Variants in SMOC2 observed in about 807,000 individuals in gnomAD.
SMOC2 encodes SPARC-related modular calcium-binding protein 2.
Under a neutral mutation model 61.4 loss-of-function variants are expected in SMOC2, and 39 were observed. That is an observed-to-expected ratio of 0.64 (90% CI 0.49 to 0.83). SMOC2 has a LOEUF of 0.83. SMOC2 is among the 40% of genes least tolerant of loss of function. The probability of loss-of-function intolerance (pLI) is 0.00; values close to 1 mark genes in which losing one functional copy is unlikely to be tolerated. For missense variants in SMOC2, 556 were observed against 592.9 expected (o/e 0.94, Z 0.65); for synonymous variants, 247 against 239.9 (o/e 1.03, Z -0.27).
Position 168,518,439 on chromosome 6 carries a change from CTG to C in SMOC2, c.257-7904_257-7903del, listed in dbSNP as rs34444476. On this transcript the variant is annotated intron_variant, in intron 2 of 12. Transcript: ENST00000356284. ...TGTGTGCATGAGTGTGCATGTGTGA[CTG>C]TGAATGTGTGAATGTGTGTATTCAT... Among the ~76,000 whole-genome samples the C allele has an allele frequency of 2.8e-3, 410 of 147,566 alleles. 3 individuals are homozygous for C. The highest frequency in any genetic ancestry group is 9.6e-3 in the African/African-American group (367 of 38,260).
At chr6:168,589,263 G>A (rs1202124343) in intron 7 of SMOC2, among the ~76,000 whole-genome samples, 1 of 152,224 alleles carries the variant, frequency 6.6e-6, no homozygotes, top group Admixed American at 6.5e-5. Flanking sequence ...CTCTTAAGGT[G>A]TTGGCTGACA....
chr6:168,488,212 G>C (rs1229940628), intron 1 of SMOC2, among the ~76,000 whole-genome samples: 1 of 152,212 alleles, frequency 6.6e-6, no homozygotes, highest in Non-Finnish European at 1.5e-5. Context: ...CTGGCCCCTG[G>C]TGCCTCCGGC....
intron 8 of SMOC2, among the ~76,000 whole-genome samples, chr6:168,605,786 T>C (rs1425000315): frequency 2.0e-5 from 3 of 152,040 alleles, no homozygotes; most frequent in Non-Finnish European, 4.4e-5. Context: ...ACAGAGTTCA[T>C]GTTAACACTT....
In SMOC2 at chr6:168,475,437, C is replaced by A. The variant is rs954778930; in HGVS notation, c.84+33983C>A. On this transcript the variant is annotated intron_variant, in intron 1 of 12. Transcript: ENST00000356284. This position sits in a 1 kb window ranked among gnomAD's most constrained non-coding sequence, Gnocchi z 4.6. ...GTACAACCTTGCTCAATCCCTCCCC[C>A]ACCCCACCAGGTCGTGATCCCTGAG... 2.0e-5 allele frequency among the ~76,000 whole-genome samples: 3 copies of A among 152,138 alleles called. No homozygotes were observed. The highest frequency in any genetic ancestry group is 4.4e-5 in the Non-Finnish European group (3 of 68,008).
intron 9 of SMOC2, among the ~76,000 whole-genome samples, chr6:168,628,013 A>G (rs1786458589): frequency 6.6e-6 from 1 of 151,962 alleles, no homozygotes; most frequent in Non-Finnish European, 1.5e-5. Flanking sequence ...ACCCTGGACT[A>G]ACGCCACTCT....
chr6:168,485,365 C>T (rs997874438), intron 1 of SMOC2, among the ~76,000 whole-genome samples: 5 of 152,060 alleles, frequency 3.3e-5, no homozygotes, highest in African/African-American at 1.2e-4. Context: ...AAAAAAAACA[C>T]GTACATAAAT....
intron 1 of SMOC2, among the ~76,000 whole-genome samples, chr6:168,465,897 C>T (rs1303495418): frequency 8.8e-6 from 1 of 113,580 alleles, no homozygotes; most frequent in African/African-American, 3.6e-5. Context: ...CTGGATGAAG[C>T]GGCATGCTGC....
At chr6:168,618,644 G>A (rs1299172967) in intron 9 of SMOC2, among the ~76,000 whole-genome samples, 2 of 152,176 alleles carry the variant, frequency 1.3e-5, no homozygotes, top group Non-Finnish European at 2.9e-5. Context: ...AGGAGAGGTG[G>A]TAAAAGAGTT....
chr6:168,556,855 C>G (rs964730456), intron 7 of SMOC2, among the ~76,000 whole-genome samples: 5 of 148,556 alleles, frequency 3.4e-5, no homozygotes, highest in Non-Finnish European at 7.4e-5. Flanking sequence ...GTAGAGGCCT[C>G]CAGTTTTGTC....
Position 168,555,225 on chromosome 6 carries a change from C to A in SMOC2, c.637+6022C>A, listed in dbSNP as rs1469694842. On this transcript the variant is annotated intron_variant, in intron 7 of 12. Transcript: ENST00000356284. ...TAGCCAGCCGGGATGAGACTAAGTG[C>A]TTAAAGGCTATTTCATGTTGGAGAT... Among the ~76,000 whole-genome samples the A allele has an allele frequency of 2.0e-5, 3 of 152,364 alleles. No homozygotes were observed. The South Asian group carries it at 6.2e-4, about 32-fold the overall frequency.
At chr6:168,470,274 C>G (rs541189533) in intron 1 of SMOC2, among the ~76,000 whole-genome samples, 1 of 152,168 alleles carries the variant, frequency 6.6e-6, no homozygotes, top group Non-Finnish European at 1.5e-5. Context: ...CTACTCTTTC[C>G]GTTATAAAGC....
At chr6:168,497,261 T>C (rs1021214406) in intron 1 of SMOC2, among the ~76,000 whole-genome samples, 2 of 152,154 alleles carry the variant, frequency 1.3e-5, no homozygotes, top group African/African-American at 4.8e-5. Context: ...TCAAATGAGG[T>C]GCCTGGGCTG....
chr6:168,543,285 C>T (rs945476586), intron 4 of SMOC2, among the ~76,000 whole-genome samples: 5 of 152,148 alleles, frequency 3.3e-5, no homozygotes, highest in Non-Finnish European at 1.5e-5. Flanking sequence ...TCCTTTTTTA[C>T]CTAATTCACT....
intron 9 of SMOC2, among the ~76,000 whole-genome samples, chr6:168,637,367 G>A (rs970524538): frequency 5.3e-5 from 8 of 152,164 alleles, no homozygotes; most frequent in African/African-American, 1.9e-4. Context: ...GGACCTGGAA[G>A]TGAGTTGTGG....
chr6:168,504,994 A>G (rs1298063917), intron 1 of SMOC2, among the ~76,000 whole-genome samples: 1 of 152,154 alleles, frequency 6.6e-6, no homozygotes, highest in African/African-American at 2.4e-5. Context: ...GCTAACTTCC[A>G]TCAGATGCGA....
At chr6:168,550,726 A>T (rs934047950) in intron 7 of SMOC2, among the ~76,000 whole-genome samples, 3 of 152,176 alleles carry the variant, frequency 2.0e-5, no homozygotes, top group African/African-American at 7.2e-5. Context: ...TGGCAGAAAC[A>T]TTTAATACCT....
In SMOC2 at chr6:168,653,108, G is replaced by A; in HGVS notation, c.1165G>A (p.Val389Met). The A allele has an allele frequency of 1.9e-6, 3 of 1,614,200 alleles. No individual in the cohort carries two copies. Among genetic ancestry groups the A allele is most frequent in the Non-Finnish European group, 2.5e-6 (3 of 1,180,030 alleles). Reference sequence around the variant, plus strand: ...CAAAAAATCAAAGCCCAAAAAATGTGTGAAGAAGTTTGTTGAATACTGTGA... The same window carrying A: ...CAAAAAATCAAAGCCCAAAAAATGTATGAAGAAGTTTGTTGAATACTGTGA... ...LRKKSKPKKC[V>M]KKFVEYCDVN... Residue 389 changes from valine to methionine, a missense_variant, in exon 11 of 13, where the codon GTG (valine) becomes ATG (methionine). Physicochemically the swap from Val to Met is conservative, Grantham distance 21. Transcript: ENST00000356284.
chr6:168,519,092 A>C (rs1783254139), intron 2 of SMOC2, among the ~76,000 whole-genome samples: 2 of 136,224 alleles, frequency 1.5e-5, no homozygotes, highest in South Asian at 2.5e-4. Flanking sequence ...TGCATGTGTG[A>C]ACATGCGTGT....
intron 8 of SMOC2, among the ~76,000 whole-genome samples, chr6:168,601,882 G>A (rs1476242495): frequency 6.6e-6 from 1 of 152,226 alleles, no homozygotes; most frequent in East Asian, 1.9e-4. Flanking sequence ...TCATTCCGCT[G>A]TCATGGCAGA....
Sources: allele counts gnomAD v4.1 joint callset (sites outside exome capture counted in the v4.1 genomes callset), GRCh38; gene constraint gnomAD v4.1.1; non-coding constraint Gnocchi (gnomAD v3.1); transcripts MANE v1.5; gene names NCBI Gene and HGNC (gene_info 2026-07-23, HGNC 2026-07-21).